The following TENM4 variants were observed in gnomAD, a reference collection of about 807,000 sequenced individuals.
TENM4 encodes the protein teneurin-4.
TENM4 carries 82 observed loss-of-function variants against 243.3 expected under a neutral mutation model. That is an observed-to-expected ratio of 0.34 (90% CI 0.28 to 0.40). The LOEUF (loss-of-function observed/expected upper bound fraction) is 0.40. TENM4 is among the 10% of genes least tolerant of loss of function. The pLI, the probability that TENM4 is intolerant of heterozygous loss-of-function variation, is 1.00. For missense variants in TENM4, 3,138 were observed against 3,673.3 expected (o/e 0.85, Z 3.77); for synonymous variants, 1,412 against 1,456.3 (o/e 0.97, Z 0.69).
At chr11:78,786,855 C>T (rs1856945820) in intron 16 of TENM4, 43 bp downstream of exon 16, 1 of 1,569,430 alleles carries the variant, frequency 6.4e-7, no homozygotes, top group South Asian at 1.2e-5. Context: ...CAAAGATGTC[C>T]TGCAGACCAG....
At chr11:78,728,867 C>T (rs1240151584) in intron 22 of TENM4, among the ~76,000 whole-genome samples, 1 of 152,116 alleles carries the variant, frequency 6.6e-6, no homozygotes, top group Admixed American at 6.5e-5. Flanking sequence ...GGTGAGGCTA[C>T]AGCCAACTTC....
At chr11:79,250,680 A>G (rs779916302) in intron 2 of TENM4, among the ~76,000 whole-genome samples, 3 of 152,262 alleles carry the variant, frequency 2.0e-5, no homozygotes, top group Non-Finnish European at 4.4e-5. Flanking sequence ...ACACAATTCA[A>G]TGTCTTAATG....
At chr11:79,402,297 C>A (rs1858478697) in intron 1 of TENM4, among the ~76,000 whole-genome samples, 1 of 152,144 alleles carries the variant, frequency 6.6e-6, no homozygotes, top group Non-Finnish European at 1.5e-5. Context: ...ACAATGACAA[C>A]ATATTCAAAA....
intron 2 of TENM4, among the ~76,000 whole-genome samples, chr11:79,267,639 T>A (rs1046865865): frequency 2.6e-5 from 4 of 152,210 alleles, no homozygotes; most frequent in African/African-American, 9.6e-5. Context: ...ACCTCCATGG[T>A]ATAGACTCTC....
At chr11:79,344,984 T>A (rs1259646003) in intron 1 of TENM4, among the ~76,000 whole-genome samples, 1 of 152,224 alleles carries the variant, frequency 6.6e-6, no homozygotes, top group Non-Finnish European at 1.5e-5. Flanking sequence ...ATGGATTTTT[T>A]TTCAGCCCAT....
At chr11:79,409,200 G>GAA (rs201108563) in intron 1 of TENM4, among the ~76,000 whole-genome samples, 2 of 130,744 alleles carry the variant, frequency 1.5e-5, no homozygotes, top group South Asian at 2.4e-4. Flanking sequence ...TTCTCTTCCA[G>GAA]AAAAAAAAAA....
At chr11:78,919,815 C>T (rs752616429) in intron 6 of TENM4, among the ~76,000 whole-genome samples, 7 of 152,026 alleles carry the variant, frequency 4.6e-5, no homozygotes, top group South Asian at 2.1e-4. Context: ...ATGCCTAACC[C>T]GCTGTGCTAT....
chr11:78,891,372 T>C (rs1354417421), intron 7 of TENM4, 36 bp from the exon 8 acceptor site: 1 of 1,529,408 alleles, frequency 6.5e-7, no homozygotes, highest in South Asian at 1.2e-5. Flanking sequence ...AAGCAATGAG[T>C]CATGCATTGA....
chr11:78,699,900 A>G (rs1012686107), intron 28 of TENM4, among the ~76,000 whole-genome samples: 3 of 152,210 alleles, frequency 2.0e-5, no homozygotes, highest in African/African-American at 7.2e-5. Flanking sequence ...AATAATGTAT[A>G]AGAGATTTCC....
intron 17 of TENM4, 21 bp downstream of exon 17, chr11:78,778,581 A>G: frequency 1.2e-6 from 2 of 1,610,068 alleles, no homozygotes; most frequent in African/African-American, 1.3e-5. Flanking sequence ...CAACAGGAAA[A>G]TAGAGGAAGG....
chr11:79,378,995 CT>C (rs11288712), intron 1 of TENM4, among the ~76,000 whole-genome samples: 2,672 of 152,106 alleles, frequency 0.018, 73 homozygotes, highest in African/African-American at 0.061. Context: ...TGCAAACACA[CT>C]GGTAAGCCCA....
chr11:79,133,037 A>C (rs1371547799), intron 4 of TENM4, among the ~76,000 whole-genome samples: 1 of 152,184 alleles, frequency 6.6e-6, no homozygotes, highest in Non-Finnish European at 1.5e-5. Context: ...AGAAACAAAA[A>C]ATACAAAAGA....
chr11:79,165,381 C>T (rs1319985251), intron 3 of TENM4, among the ~76,000 whole-genome samples: 1 of 152,140 alleles, frequency 6.6e-6, no homozygotes, highest in East Asian at 1.9e-4. Context: ...ATTTGCATTT[C>T]CCTGATCATT....
At chr11:79,345,749 T>C (rs948038527) in intron 1 of TENM4, among the ~76,000 whole-genome samples, 1 of 152,168 alleles carries the variant, frequency 6.6e-6, no homozygotes, top group Non-Finnish European at 1.5e-5. Context: ...AAATCACAGG[T>C]GCTTAATAAA....
chr11:78,771,639 T>C (rs552113242), intron 17 of TENM4, among the ~76,000 whole-genome samples: 1 of 152,386 alleles, frequency 6.6e-6, no homozygotes, highest in South Asian at 2.1e-4. Context: ...ACTCTTGTAG[T>C]AGGTCAATTT....
intron 1 of TENM4, among the ~76,000 whole-genome samples, chr11:79,322,380 G>A (rs1004079722): frequency 5.9e-5 from 9 of 152,296 alleles, no homozygotes; most frequent in African/African-American, 2.2e-4. Flanking sequence ...ATGATACTCT[G>A]CATTTTCACT....
chr11:78,930,376 C>G (rs1223301049), intron 6 of TENM4, among the ~76,000 whole-genome samples: 1 of 152,126 alleles, frequency 6.6e-6, no homozygotes, highest in Non-Finnish European at 1.5e-5. Flanking sequence ...CAAGTTTCCC[C>G]TTGATTAGAG....
chr11:78,757,604 G>C (rs1198383424), intron 18 of TENM4, among the ~76,000 whole-genome samples: 1 of 152,248 alleles, frequency 6.6e-6, no homozygotes, highest in African/African-American at 2.4e-5. Flanking sequence ...AAAAATAAAG[G>C]TTGCTTAGAC....
chr11:79,298,943 T>C (rs965037507), intron 1 of TENM4, among the ~76,000 whole-genome samples: 2 of 152,172 alleles, frequency 1.3e-5, no homozygotes, highest in Non-Finnish European at 2.9e-5. Flanking sequence ...TTCTCTCCTA[T>C]GAAAAGCAAC....
Sources: allele counts gnomAD v4.1 joint callset (sites outside exome capture counted in the v4.1 genomes callset), GRCh38; gene constraint gnomAD v4.1.1; transcripts MANE v1.5; gene names NCBI Gene and HGNC (gene_info 2026-07-23, HGNC 2026-07-21).